USP9X: variants seen among roughly 807,000 people sequenced by gnomAD.
The protein encoded by USP9X is ubiquitin specific peptidase 9 X-linked.
Under a neutral mutation model 190.3 loss-of-function variants are expected in USP9X, and 7 were observed. The ratio of observed to expected loss-of-function variants is 0.04; its 90% CI spans 0.02 to 0.07. The LOEUF (loss-of-function observed/expected upper bound fraction) is 0.07, where lower values mean the gene tolerates loss of function less well. USP9X is among the 10% of genes least tolerant of loss of function. USP9X has a pLI of 1.00. For missense variants in USP9X, 1,010 were observed against 1,916.9 expected (o/e 0.53, Z 8.83); for synonymous variants, 645 against 659.5 (o/e 0.98, Z 0.34).
In USP9X at chrX:41,166,215, G is replaced by T; in HGVS notation, c.2328+1G>T. On this transcript the variant is annotated splice_donor_variant, in intron 16 of 44. Coordinates refer to ENST00000378308, the MANE Select transcript of USP9X (RefSeq NM_001039591.3). LOFTEE classifies it high-confidence loss of function. ...AATAGGATTAGATTACCTTTGGAGGGTAAGTCAAAAGTAGGAACTCTGTAA... is the reference window on the plus strand; with the variant it reads ...AATAGGATTAGATTACCTTTGGAGGTTAAGTCAAAAGTAGGAACTCTGTAA... 1 of 1,156,246 alleles carries T rather than the reference G, an allele frequency of 8.6e-7. No homozygotes were observed. Among genetic ancestry groups the T allele is most frequent in the Admixed American group, 2.5e-5 (1 of 39,365 alleles).
At chrX:41,105,810 G>T (rs2062064794) in intron 1 of USP9X, among the ~76,000 whole-genome samples, 1 of 112,034 alleles carries the variant, frequency 8.9e-6, no homozygotes, top group Non-Finnish European at 1.9e-5. Flanking sequence ...GCTATCACTT[G>T]TGTTTTCTGC....
intron 1 of USP9X, among the ~76,000 whole-genome samples, chrX:41,093,343 G>T (rs1414453621): frequency 1.8e-5 from 2 of 112,244 alleles, no homozygotes; most frequent in Non-Finnish European, 3.8e-5. Flanking sequence ...TTGTGTTTAT[G>T]TGCAAGTTCA....
At chrX:41,113,952 C>G (rs1473121185) in intron 1 of USP9X, among the ~76,000 whole-genome samples, 1 of 112,608 alleles carries the variant, frequency 8.9e-6, no homozygotes, top group Non-Finnish European at 1.9e-5. Flanking sequence ...GAAATGTGAA[C>G]AAATGTAAAG....
At chrX:41,092,797 T>G (rs1264904923) in intron 1 of USP9X, among the ~76,000 whole-genome samples, 2 of 111,269 alleles carry the variant, frequency 1.8e-5, no homozygotes, top group Non-Finnish European at 3.8e-5. Flanking sequence ...TGAAATCCAT[T>G]CTTACCTTGT....
intron 17 of USP9X, 119 bp from the exon 18 acceptor site, chrX:41,167,888 G>T: frequency 1.9e-6 from 1 of 531,792 alleles, no homozygotes; most frequent in South Asian, 4.3e-5. Context: ...ACTTAAATAT[G>T]ACTGTTGTTA....
rs747938668 is a variant in USP9X, at chrX:41,130,633, CA to C, written c.243-823del. Among the ~76,000 whole-genome samples, 10 of 108,335 alleles carry C rather than the reference CA, an allele frequency of 9.2e-5. No individual in the cohort carries two copies. In the East Asian group the frequency reaches 2.9e-3, roughly 31 times the overall value. The allele number at this position is 108,335 out of a possible 115,157, so 94.1% of individuals were successfully genotyped here. The stretch of plus-strand genomic sequence containing the variant: ...CCTCCCGAGTAGCTAGGACTACAGG[CA>C]CGTGCCACCATACCCAGCTAATTTT... On this transcript the variant is annotated intron_variant, in intron 3 of 44. Coordinates refer to ENST00000378308, the MANE Select transcript of USP9X (RefSeq NM_001039591.3).
intron 41 of USP9X, among the ~76,000 whole-genome samples, chrX:41,227,825 C>G (rs896948082): frequency 9.0e-6 from 1 of 111,045 alleles, no homozygotes; most frequent in Non-Finnish European, 1.9e-5. Flanking sequence ...CTCAGCCTCC[C>G]GAGTAGCTGG....
chrX:41,231,328 A>G (rs2063357714), intron 44 of USP9X, among the ~76,000 whole-genome samples: 1 of 112,006 alleles, frequency 8.9e-6, no homozygotes, highest in African/African-American at 3.2e-5. Context: ...CAGGAACCAT[A>G]CTTGGAGAAA....
chrX:41,182,779 A>G lies in USP9X; in HGVS notation c.3149-1219A>G, dbSNP rs1287641503. Among the ~76,000 whole-genome samples the G allele has an allele frequency of 5.8e-4, 64 of 111,113 alleles. 2 individuals carry two copies. The highest frequency in any genetic ancestry group is 3.8e-5 in the Non-Finnish European group (2 of 53,026). ...CAATGACACGAGAAGATATTTATAAATATTTTATTATAAAAACTATTTTAA... is the reference window on the plus strand; with the variant it reads ...CAATGACACGAGAAGATATTTATAAGTATTTTATTATAAAAACTATTTTAA... On this transcript the variant is annotated intron_variant, in intron 21 of 44. Coordinates refer to ENST00000378308, the MANE Select transcript of USP9X (RefSeq NM_001039591.3).
chrX:41,132,535 C>T (rs1316864296), intron 4 of USP9X, among the ~76,000 whole-genome samples: 1 of 110,727 alleles, frequency 9.0e-6, no homozygotes, highest in African/African-American at 3.3e-5. Context: ...AACTCCTGAC[C>T]TCAGGTGATC....
chrX:41,123,031 A>G (rs1170853612), intron 1 of USP9X, among the ~76,000 whole-genome samples: 1 of 111,144 alleles, frequency 9.0e-6, no homozygotes, highest in East Asian at 2.8e-4. Context: ...GCCAAAAGGG[A>G]ACACTTGGGC....
In USP9X at chrX:41,184,125, A is replaced by C; in HGVS notation, c.3276A>C (p.Thr1092=). 3.3e-6 allele frequency: 4 copies of C among 1,195,614 alleles called. No homozygotes were observed. In the South Asian group the frequency reaches 7.6e-5, roughly 23 times the overall value. ...CAGCCTCACAAGTGCTATATCTAAC[A>C]GAGGTTAGTTTTTGGGGTTTTTTGT... ...GPSASQVLYL[T]EVVYALLMPA... The change falls in exon 22 of 45, where the codon ACA becomes ACC. Residue 1092 remains threonine, a synonymous_variant. Transcript: ENST00000378308.
Position 41,196,072 on chromosome X carries a change from G to C in USP9X, c.3978-179G>C. ...TCCTGGACATAGAGCTTAAGTTCAT[G>C]TATTATGTGGTGTTGGCTTGAGTGC... On this transcript the variant is annotated intron_variant, in intron 26 of 44. Transcript: ENST00000378308. 5.7e-6 allele frequency: 3 copies of C among 524,924 alleles called. No individual in the cohort carries two copies. In the South Asian group the frequency reaches 8.2e-5, roughly 14 times the overall value. 43.3% of individuals were successfully genotyped at this position (524,924 alleles called of 1,213,427 possible).
intron 31 of USP9X, among the ~76,000 whole-genome samples, chrX:41,201,567 G>A (rs1220007627): frequency 9.0e-6 from 1 of 111,373 alleles, no homozygotes; most frequent in Admixed American, 9.6e-5. Context: ...AGTAAGTAGG[G>A]ATGGACTTCT....
chrX:41,160,319 T>TAC (rs1271693851), intron 14 of USP9X, among the ~76,000 whole-genome samples: 8 of 108,960 alleles, frequency 7.3e-5, no homozygotes, highest in Non-Finnish European at 1.5e-4. Context: ...TTTATATATA[T>TAC]ACATATATAT....
intron 43 of USP9X, among the ~76,000 whole-genome samples, chrX:41,230,201 CAAAAA>C (rs768376063): frequency 1.8e-5 from 2 of 110,493 alleles, no homozygotes; most frequent in Non-Finnish European, 3.8e-5. Context: ...AACTCCATCT[CAAAAA>C]AAGAAAAGAA....
At chrX:41,185,846 A>T (rs1186109908) in intron 23 of USP9X, among the ~76,000 whole-genome samples, 2 of 111,336 alleles carry the variant, frequency 1.8e-5, no homozygotes, top group African/African-American at 6.5e-5. Flanking sequence ...GGTACATAAT[A>T]ACCTCTAATC....
chrX:41,112,859 C>G (rs2062120183), intron 1 of USP9X, among the ~76,000 whole-genome samples: 1 of 112,685 alleles, frequency 8.9e-6, no homozygotes, highest in Non-Finnish European at 1.9e-5. Flanking sequence ...TAATTATTTT[C>G]ACTCACATTT....
At chrX:41,163,916 C>T (rs1278208984) in intron 15 of USP9X, among the ~76,000 whole-genome samples, 1 of 107,945 alleles carries the variant, frequency 9.3e-6, no homozygotes, top group Non-Finnish European at 1.9e-5. Flanking sequence ...CTCACTCTGT[C>T]GCCAGGCTGA....
Sources: allele counts gnomAD v4.1 joint callset (sites outside exome capture counted in the v4.1 genomes callset), GRCh38; gene constraint gnomAD v4.1.1; transcripts MANE v1.5; gene names NCBI Gene and HGNC (gene_info 2026-07-23, HGNC 2026-07-21).